ADAMTS17: variants seen among roughly 807,000 people sequenced by gnomAD.
ADAMTS17 encodes ADAM metallopeptidase with thrombospondin type 1 motif 17.
ADAMTS17 carries 113 observed loss-of-function variants against 141.5 expected under a neutral mutation model. That is an observed-to-expected ratio of 0.80 (90% CI 0.69 to 0.93). The LOEUF is 0.93. Among genes scored for constraint, ADAMTS17 ranks in the 40% least tolerant of loss-of-function variants. ADAMTS17 has a pLI of 0.00. For synonymous variants in ADAMTS17, 768 were observed against 630.6 expected (o/e 1.22, Z -3.27); for missense variants, 1,659 against 1,517.9 (o/e 1.09, Z -1.54).
At chr15:99,982,505 G>A (rs575160521) in intron 20 of ADAMTS17, among the ~76,000 whole-genome samples, 12 of 152,330 alleles carry the variant, frequency 7.9e-5, no homozygotes, top group South Asian at 4.1e-4. Flanking sequence ...CATGGTGGGC[G>A]CACGGGGTGA....
At chr15:100,303,246 G>C (rs2045107446) in intron 3 of ADAMTS17, among the ~76,000 whole-genome samples, 1 of 146,394 alleles carries the variant, frequency 6.8e-6, no homozygotes, top group Non-Finnish European at 1.5e-5. Context: ...TATTCCATTA[G>C]TTCTGTCCCT....
chr15:100,052,953 G>T (rs2032264280), intron 16 of ADAMTS17, among the ~76,000 whole-genome samples: 1 of 152,262 alleles, frequency 6.6e-6, no homozygotes, highest in Non-Finnish European at 1.5e-5. Flanking sequence ...GGCAGAGCCA[G>T]CCTCCTCAGG....
chr15:99,974,604 C>T (rs1567626817), intron 21 of ADAMTS17, 42 bp from the exon 22 acceptor site: 3 of 1,613,426 alleles, frequency 1.9e-6, no homozygotes, highest in East Asian at 4.5e-5. Flanking sequence ...CAGGGATGGC[C>T]TAGGCATGTC....
chr15:100,128,104 G>C (rs530397567), intron 12 of ADAMTS17, among the ~76,000 whole-genome samples: 1 of 152,148 alleles, frequency 6.6e-6, no homozygotes, highest in African/African-American at 2.4e-5. Context: ...AGCAATGCAA[G>C]GATGGTGGTG....
Position 99,997,317 on chromosome 15 carries a change from T to G in ADAMTS17, c.2796+68A>C, listed in dbSNP as rs1013146290. 2.5e-6 allele frequency: 4 copies of G among 1,577,614 alleles called. No homozygotes were observed. In the Admixed American group the frequency reaches 6.7e-5, roughly 26 times the overall value. ...GCGAGGGCTGGGAGGCACCAGAATG[T>G]CACCAATACCATGGCACCGTGTTGG... On this transcript the variant is annotated intron_variant, in intron 19 of 21. Coordinates refer to ENST00000268070, the MANE Select transcript of ADAMTS17 (RefSeq NM_139057.4). This position sits in a 1 kb window ranked among gnomAD's most constrained non-coding sequence, Gnocchi z 4.7.
intron 7 of ADAMTS17, among the ~76,000 whole-genome samples, chr15:100,217,076 G>A (rs934601216): frequency 1.3e-5 from 2 of 151,668 alleles, no homozygotes; most frequent in Non-Finnish European, 2.9e-5. Flanking sequence ...AGGGACATGA[G>A]ACATGGGTTT....
At chr15:100,154,978 T>C (rs1158084297) in intron 9 of ADAMTS17, among the ~76,000 whole-genome samples, 1 of 152,228 alleles carries the variant, frequency 6.6e-6, no homozygotes, top group Non-Finnish European at 1.5e-5. Context: ...TCACCCACTG[T>C]GCGCCCATCG....
intron 3 of ADAMTS17, among the ~76,000 whole-genome samples, chr15:100,293,602 T>C (rs1233334352): frequency 6.6e-6 from 1 of 152,152 alleles, no homozygotes; most frequent in African/African-American, 2.4e-5. Context: ...ATCCCACCAC[T>C]GATGGGGGTC....
chr15:100,006,894 G>A (rs553031605), intron 18 of ADAMTS17, among the ~76,000 whole-genome samples: 3 of 152,316 alleles, frequency 2.0e-5, no homozygotes, highest in Admixed American at 6.5e-5. Flanking sequence ...GGCAAACACC[G>A]CCCAAGCTCC....
intron 15 of ADAMTS17, among the ~76,000 whole-genome samples, chr15:100,095,704 C>T (rs2035715582): frequency 6.6e-6 from 1 of 152,140 alleles, no homozygotes; most frequent in Admixed American, 6.5e-5. Context: ...ACATTGTCCT[C>T]CAGGACAGGA....
chr15:99,976,054 G>A lies in ADAMTS17; in HGVS notation c.3118C>T (p.Pro1040Ser), dbSNP rs1171489401. 1.3e-6 allele frequency: 2 copies of A among 1,550,730 alleles called. No homozygotes were observed. The highest frequency in any genetic ancestry group is 1.7e-6 in the Non-Finnish European group (2 of 1,146,466). Residue 1040 changes from proline (P) to serine (S), a missense_variant, in exon 21 of 22, where the codon CCC becomes TCC. By Grantham distance (74) the Pro-to-Ser change is moderately conservative. Transcript: ENST00000268070. ...CAGTGAAGACACTCACCAAGGCGGG[G>A]GGAGGTGATGGTGTTGGCGTTGATC... ...DRINANTITS[P>S]RLAALTYKCT...
chr15:100,043,892 T>C (rs2031468470), intron 18 of ADAMTS17, among the ~76,000 whole-genome samples: 1 of 152,274 alleles, frequency 6.6e-6, no homozygotes, highest in South Asian at 2.1e-4. Flanking sequence ...CTCTGAACTT[T>C]CTGTAGCAAT....
At chr15:100,265,520 G>T (rs951474352) in intron 4 of ADAMTS17, among the ~76,000 whole-genome samples, 1 of 152,216 alleles carries the variant, frequency 6.6e-6, no homozygotes, top group African/African-American at 2.4e-5. Flanking sequence ...TAGCAGGGTG[G>T]ACCTGCCGCC....
chr15:100,022,220 T>C (rs892904), intron 18 of ADAMTS17, among the ~76,000 whole-genome samples: 36,188 of 152,068 alleles, frequency 0.24, 7,672 homozygotes, highest in African/African-American at 0.57. Context: ...TCTGGATGGA[T>C]GCAGGCCCCC....
chr15:100,212,788 T>C (rs1032713670), intron 7 of ADAMTS17, among the ~76,000 whole-genome samples: 1 of 139,472 alleles, frequency 7.2e-6, no homozygotes, highest in Non-Finnish European at 1.5e-5. Context: ...TCTCACATTA[T>C]TCACCAACAA....
chr15:99,979,781 A>G (rs533542330), intron 20 of ADAMTS17: 1 of 152,362 alleles, frequency 6.6e-6, no homozygotes, highest in East Asian at 1.9e-4. Flanking sequence ...CCATTTTATA[A>G]CATACCAAGG....
At chr15:100,059,497 G>C (rs559638135) in intron 15 of ADAMTS17, among the ~76,000 whole-genome samples, 6 of 152,332 alleles carry the variant, frequency 3.9e-5, no homozygotes, top group African/African-American at 1.4e-4. Context: ...CACTTAGCAA[G>C]ATTCCAAATT....
rs1489753011 is a variant in ADAMTS17, at chr15:100,155,184, G to T, written c.1318C>A (p.Leu440Ile). 1 of 1,614,198 alleles carries T rather than the reference G, an allele frequency of 6.2e-7. No individual in the cohort carries two copies. The highest frequency in any genetic ancestry group is 1.1e-5 in the South Asian group (1 of 91,084). ...TAGAATAATTCCAGGACTTACTTGA[G>T]GAAGTTTTCAAGGTCATCTCGGCTG... is the stretch of plus-strand genomic sequence containing the variant. The part of the protein sequence containing the change: ...SCSRDDLENF[L>I]KSKVSTCLLV... The change falls in exon 9 of 22, where the codon CTC (leucine) becomes ATC (isoleucine). Residue 440 changes from leucine to isoleucine, a missense_variant. Leu to Ile is a conservative substitution (Grantham distance 5). Transcript: ENST00000268070.
At chr15:100,267,945 T>G (rs1189060537) in intron 4 of ADAMTS17, among the ~76,000 whole-genome samples, 3 of 152,266 alleles carry the variant, frequency 2.0e-5, no homozygotes, top group Non-Finnish European at 4.4e-5. Flanking sequence ...TGTTGTGCTA[T>G]CAAATACTGT....
Sources: allele counts gnomAD v4.1 joint callset (sites outside exome capture counted in the v4.1 genomes callset), GRCh38; gene constraint gnomAD v4.1.1; non-coding constraint Gnocchi (gnomAD v3.1); transcripts MANE v1.5; gene names NCBI Gene and HGNC (gene_info 2026-07-23, HGNC 2026-07-21).